The following PTPRT variants were observed in gnomAD, a reference collection of about 807,000 sequenced individuals.
PTPRT encodes the protein receptor-type tyrosine-protein phosphatase T.
In PTPRT, 56 loss-of-function variants were observed where a neutral mutation model predicts 176.8. The ratio of observed to expected loss-of-function variants is 0.32; its 90% CI spans 0.26 to 0.40. PTPRT has a LOEUF of 0.40. Among genes scored for constraint, PTPRT ranks in the 10% least tolerant of loss-of-function variants. PTPRT has a pLI of 1.00. For synonymous variants in PTPRT, 783 were observed against 739.0 expected (o/e 1.06, Z -0.96); for missense variants, 1,540 against 1,908.2 (o/e 0.81, Z 3.60).
intron 9 of PTPRT, among the ~76,000 whole-genome samples, chr20:42,373,936 G>A (rs1281245299): frequency 6.6e-6 from 1 of 152,170 alleles, no homozygotes; most frequent in Non-Finnish European, 1.5e-5. Flanking sequence ...GGAACCAGGC[G>A]GAGAACCTGA....
Position 42,079,598 on chromosome 20 carries a change from G to A in PTPRT, c.*1281C>T, listed in dbSNP as rs1301759823. On this transcript the variant is annotated 3_prime_UTR_variant, in exon 31 of 31. Coordinates refer to ENST00000373187, the MANE Select transcript of PTPRT (RefSeq NM_007050.6). Reference sequence around the variant, plus strand: ...TAGCAAATGTTGGTTCCCTCTCATTGACTCACTCACACTTTGGACAAGACC... The same window carrying A: ...TAGCAAATGTTGGTTCCCTCTCATTAACTCACTCACACTTTGGACAAGACC... 4.4e-6 allele frequency: 1 copy of A among 225,926 alleles called. No individual in the cohort carries two copies. The highest frequency in any genetic ancestry group is 2.2e-5 in the African/African-American group (1 of 44,918). The allele number at this position is 225,926 out of a possible 1,614,324, so 14.0% of individuals were successfully genotyped here.
At chr20:43,158,932 G>A (rs2014605655) in intron 1 of PTPRT, among the ~76,000 whole-genome samples, 1 of 152,130 alleles carries the variant, frequency 6.6e-6, no homozygotes. Context: ...CAGCACCTGG[G>A]ACATAGTAAC....
At chr20:42,373,678 C>A (rs1189445998) in intron 9 of PTPRT, among the ~76,000 whole-genome samples, 2 of 152,212 alleles carry the variant, frequency 1.3e-5, no homozygotes, top group African/African-American at 4.8e-5. Flanking sequence ...TGACCCTGAC[C>A]ACAATTCTGT....
In PTPRT at chr20:42,315,991, T is replaced by C; in HGVS notation, c.1871A>G (p.Tyr624Cys). ...AQSRGAPVSV[Y>C]QLVVKEERLQ... Reference sequence around the variant, plus strand: ...TCGCTCCTCCTTGACAACCAGCTGATAAACACTGGACAGGAAAGAGGAGAC... The same window carrying C: ...TCGCTCCTCCTTGACAACCAGCTGACAAACACTGGACAGGAAAGAGGAGAC... Residue 624 changes from tyrosine to cysteine, a missense_variant, in exon 12 of 31, where the codon TAT (tyrosine) becomes TGT (cysteine). Transcript: ENST00000373187. 6.2e-7 allele frequency: 1 copy of C among 1,613,890 alleles called. No homozygotes were observed. Among genetic ancestry groups the C allele is most frequent in the East Asian group, 2.2e-5 (1 of 44,872 alleles).
intron 6 of PTPRT, among the ~76,000 whole-genome samples, chr20:42,711,075 G>C (rs941266287): frequency 3.3e-5 from 5 of 152,180 alleles, no homozygotes; most frequent in Non-Finnish European, 1.5e-5. Flanking sequence ...TACTACTATT[G>C]CATCTTTGAA....
intron 4 of PTPRT, among the ~76,000 whole-genome samples, chr20:42,779,131 G>T (rs1412975873): frequency 6.6e-6 from 1 of 152,248 alleles, no homozygotes; most frequent in Non-Finnish European, 1.5e-5. Context: ...GCCAGGCAGA[G>T]GGAGGGAAGT....
At chr20:42,917,604 C>T (rs1309883219) in intron 1 of PTPRT, among the ~76,000 whole-genome samples, 1 of 152,072 alleles carries the variant, frequency 6.6e-6, no homozygotes, top group Non-Finnish European at 1.5e-5. Context: ...GCATTGTTAT[C>T]AAAGGAAAAT....
intron 5 of PTPRT, among the ~76,000 whole-genome samples, chr20:42,759,424 G>A (rs2076883485): frequency 6.6e-6 from 1 of 152,212 alleles, no homozygotes. Flanking sequence ...CCAGCACTTT[G>A]GGAGGCTGAG....
intron 6 of PTPRT, among the ~76,000 whole-genome samples, chr20:42,725,331 A>G (rs2076363835): frequency 6.6e-6 from 1 of 152,014 alleles, no homozygotes; most frequent in Admixed American, 6.6e-5. Flanking sequence ...AGAAACAAAC[A>G]TGCTGTAAAG....
chr20:42,171,036 T>C (rs905902197), intron 16 of PTPRT, among the ~76,000 whole-genome samples: 1 of 152,172 alleles, frequency 6.6e-6, no homozygotes, highest in Non-Finnish European at 1.5e-5. Flanking sequence ...CAAATTTAAA[T>C]TCCAGAAAAC....
At chr20:42,883,752 C>A (rs1455048028) in intron 2 of PTPRT, among the ~76,000 whole-genome samples, 56 of 1,044 alleles carry the variant, frequency 0.054, no homozygotes, top group African/African-American at 0.12. Flanking sequence ...TCACACATAC[C>A]CATACACATG....
At chr20:42,940,751 T>C (rs1461461687) in intron 1 of PTPRT, among the ~76,000 whole-genome samples, 3 of 152,186 alleles carry the variant, frequency 2.0e-5, no homozygotes, top group African/African-American at 7.2e-5. Context: ...TATGGTTTTA[T>C]CTTCCCATGA....
At chr20:42,846,339 A>C (rs2078371628) in intron 2 of PTPRT, among the ~76,000 whole-genome samples, 1 of 147,546 alleles carries the variant, frequency 6.8e-6, no homozygotes, top group African/African-American at 2.5e-5. Context: ...GCCCCCTCTG[A>C]GGAGAGCTCA....
At chr20:43,022,240 G>A (rs2146178962) in intron 1 of PTPRT, among the ~76,000 whole-genome samples, 1 of 152,346 alleles carries the variant, frequency 6.6e-6, no homozygotes, top group Admixed American at 6.5e-5. Flanking sequence ...TAAACTTGGT[G>A]AATTCTTCAG....
intron 2 of PTPRT, among the ~76,000 whole-genome samples, chr20:42,791,988 T>C (rs1294365244): frequency 1.3e-5 from 2 of 152,198 alleles, no homozygotes; most frequent in Non-Finnish European, 2.9e-5. Context: ...TTTTGGTCAA[T>C]AGGATGCTAA....
At chr20:42,645,963 G>T (rs1374040772) in intron 7 of PTPRT, among the ~76,000 whole-genome samples, 1 of 152,060 alleles carries the variant, frequency 6.6e-6, no homozygotes, top group Non-Finnish European at 1.5e-5. Context: ...TGAATGAAAA[G>T]AATCCATGTG....
At chr20:42,597,061 C>A (rs1410305267) in intron 7 of PTPRT, among the ~76,000 whole-genome samples, 2 of 152,186 alleles carry the variant, frequency 1.3e-5, no homozygotes, top group Admixed American at 1.3e-4. Context: ...TCCCACAAAG[C>A]TGCAATGGAG....
chr20:42,590,682 G>T (rs1401480766), intron 7 of PTPRT, among the ~76,000 whole-genome samples: 2 of 152,120 alleles, frequency 1.3e-5, no homozygotes, highest in East Asian at 3.8e-4. Flanking sequence ...GAAGGAGTCA[G>T]TGTCAATTAG....
intron 6 of PTPRT, among the ~76,000 whole-genome samples, chr20:42,728,960 C>A (rs1213076618): frequency 6.6e-6 from 1 of 152,032 alleles, no homozygotes; most frequent in Non-Finnish European, 1.5e-5. Flanking sequence ...AGGAAAATAA[C>A]CACATTCTTA....
Sources: allele counts gnomAD v4.1 joint callset (sites outside exome capture counted in the v4.1 genomes callset), GRCh38; gene constraint gnomAD v4.1.1; transcripts MANE v1.5; gene names NCBI Gene and HGNC (gene_info 2026-07-23, HGNC 2026-07-21).